Variants in CEP135 observed in about 807,000 individuals in gnomAD.
CEP135 encodes the protein centrosomal protein of 135 kDa.
In CEP135, 142 loss-of-function variants were observed where a neutral mutation model predicts 157.3. The observed-to-expected ratio is 0.90, with a 90% confidence interval of 0.79 to 1.04. The LOEUF (loss-of-function observed/expected upper bound fraction) is 1.04, where lower values mean the gene tolerates loss of function less well. CEP135 is among the 50% of genes least tolerant of loss of function. The pLI, the probability that CEP135 is intolerant of heterozygous loss-of-function variation, is 0.00. For missense variants in CEP135, 1,317 were observed against 1,309.2 expected (o/e 1.01, Z -0.09); for synonymous variants, 396 against 439.8 (o/e 0.90, Z 1.25).
chr4:55,973,619 T>C (rs921864614), intron 10 of CEP135, among the ~76,000 whole-genome samples: 15 of 152,216 alleles, frequency 9.9e-5, no homozygotes, highest in Non-Finnish European at 1.5e-4. Context: ...TCCATAGTTT[T>C]AATCTTTGTA....
At chr4:56,020,648 T>A (rs1375493209) in intron 23 of CEP135, 28 bp from the exon 24 acceptor site, 4 of 1,593,882 alleles carry the variant, frequency 2.5e-6, no homozygotes, top group Non-Finnish European at 3.4e-6. Context: ...GGAACGTTTA[T>A]TTCTTGATTT....
intron 9 of CEP135, among the ~76,000 whole-genome samples, chr4:55,969,765 G>T (rs1044177267): frequency 2.0e-5 from 3 of 152,128 alleles, no homozygotes; most frequent in Non-Finnish European, 4.4e-5. Context: ...TTTATGATTT[G>T]TTAGTTGACT....
Position 56,009,830 on chromosome 4 carries a change from G to T in CEP135, c.2432G>T (p.Arg811Ile). 1 of 1,614,116 alleles carries T rather than the reference G, an allele frequency of 6.2e-7. No individual in the cohort carries two copies. The highest frequency in any genetic ancestry group is 1.1e-5 in the South Asian group (1 of 91,046). Residue 811 changes from arginine to isoleucine, a missense_variant, in exon 19 of 26, where the codon AGA (arginine) becomes ATA (isoleucine). Transcript: ENST00000257287. ...AAHKELDEVG[R>I]SREIAFKENR... ...CACAAAGAACTCGATGAAGTAGGAA[G>T]ATCTAGAGAAATCGCTTTTAAGGAA...
chr4:55,980,108 T>G, intron 11 of CEP135, 35 bp from the exon 12 acceptor site: 1 of 1,537,638 alleles, frequency 6.5e-7, no homozygotes, highest in Non-Finnish European at 8.9e-7. Flanking sequence ...AACCATGTGG[T>G]GATGATTATA....
intron 24 of CEP135, among the ~76,000 whole-genome samples, chr4:56,022,436 G>A (rs574652099): frequency 6.6e-6 from 1 of 152,284 alleles, no homozygotes; most frequent in East Asian, 1.9e-4. Context: ...TAAGTTAGTA[G>A]AATGGTTTAT....
intron 9 of CEP135, among the ~76,000 whole-genome samples, chr4:55,970,766 T>G: frequency 6.6e-6 from 1 of 152,242 alleles, no homozygotes; most frequent in East Asian, 1.9e-4. Flanking sequence ...ATTTTTTAAG[T>G]ACTTACCGTG....
chr4:55,996,599 C>T (rs1350218047), intron 15 of CEP135, among the ~76,000 whole-genome samples: 1 of 152,104 alleles, frequency 6.6e-6, no homozygotes, highest in Non-Finnish European at 1.5e-5. Flanking sequence ...AATTTCTTTT[C>T]CCTCTCTGGC....
chr4:56,020,732 CAG>C lies in CEP135; in HGVS notation c.3274_3275del (p.Asp1092LeufsTer2). 1 of 1,613,692 alleles carries C rather than the reference CAG, an allele frequency of 6.2e-7. No homozygotes were observed. Among genetic ancestry groups the C allele is most frequent in the Non-Finnish European group, 8.5e-7 (1 of 1,179,770 alleles). Reference sequence around the variant, plus strand: ...CGAGCTAAAGTGGCACAGTTACAAACAGATTATGATGCTCTGAAAAGGCAGAT... The same window carrying C: ...CGAGCTAAAGTGGCACAGTTACAAACATTATGATGCTCTGAAAAGGCAGAT... On this transcript the variant is annotated frameshift_variant, in exon 24 of 26. Coordinates refer to ENST00000257287, the MANE Select transcript of CEP135 (RefSeq NM_025009.5). LOFTEE classifies it high-confidence loss of function.
chr4:55,969,983 C>T (rs566082034), intron 9 of CEP135, among the ~76,000 whole-genome samples: 47 of 152,056 alleles, frequency 3.1e-4, no homozygotes, highest in Non-Finnish European at 4.7e-4. Flanking sequence ...AAGTGATCCT[C>T]CCACCTCAGC....
At chr4:55,989,662 A>G (rs1476136967) in intron 14 of CEP135, among the ~76,000 whole-genome samples, 2 of 152,256 alleles carry the variant, frequency 1.3e-5, no homozygotes, top group Non-Finnish European at 2.9e-5. Context: ...GAAGATGTGA[A>G]TAAACTCTTT....
Position 55,964,368 on chromosome 4 carries a change from C to A in CEP135, c.794C>A (p.Thr265Asn), listed in dbSNP as rs140245520. The change falls in exon 7 of 26, where the codon ACC (threonine) becomes AAC (asparagine). Residue 265 changes from threonine to asparagine, a missense_variant. By Grantham distance (65) the Thr-to-Asn change is moderately conservative. Transcript: ENST00000257287. ...CTTTCTCTGGAGTCTAGAAATAAAA[C>A]CAATGAAAAGCTTATTGCTCATTTA... ...DVLSLESRNK[T>N]NEKLIAHLNI... 6.2e-7 allele frequency: 1 copy of A among 1,610,642 alleles called. No homozygotes were observed. Among genetic ancestry groups the A allele is most frequent in the African/African-American group, 1.3e-5 (1 of 74,814 alleles).
At chr4:55,991,531 T>C (rs1281819186) in intron 14 of CEP135, among the ~76,000 whole-genome samples, 3 of 152,180 alleles carry the variant, frequency 2.0e-5, no homozygotes, top group African/African-American at 7.2e-5. Context: ...AAAATTATAC[T>C]GTTTCTTCAC....
rs79498084 is a variant in CEP135 at position 56,028,073 on chromosome 4, C to G, written c.*12-3287C>G. Among the ~76,000 whole-genome samples, 1,320 of 152,238 alleles carry G rather than the reference C, an allele frequency of 8.7e-3. 22 individuals carry two copies. The highest frequency in any genetic ancestry group is 0.03 in the African/African-American group (1,267 of 41,558). On this transcript the variant is annotated intron_variant, in intron 25 of 25. Coordinates refer to ENST00000257287, the MANE Select transcript of CEP135 (RefSeq NM_025009.5). ...TTATTTCACTTAGAATAATATTTTC[C>G]AGGTTCATCCATATTGTAGGATATA...
intron 13 of CEP135, 144 bp from the exon 14 acceptor site, chr4:55,985,137 T>C (rs1729533934): frequency 4.3e-6 from 2 of 469,290 alleles, no homozygotes; most frequent in Admixed American, 7.0e-5. Flanking sequence ...GTAAAATGTC[T>C]AATGATTTTC....
intron 7 of CEP135, 76 bp downstream of exon 7, chr4:55,964,478 T>A (rs1728783121): frequency 1.7e-6 from 2 of 1,184,068 alleles, no homozygotes; most frequent in African/African-American, 3.1e-5. Flanking sequence ...TATAATGGTC[T>A]ATGGGTTTGT....
chr4:55,976,048 G>C (rs114426491), intron 11 of CEP135, among the ~76,000 whole-genome samples: 2,117 of 152,072 alleles, frequency 0.014, 26 homozygotes, highest in Non-Finnish European at 0.022. Context: ...CCAGGAGTTC[G>C]AGACCAGTCT....
chr4:56,030,796 G>T (rs1454219488), intron 25 of CEP135, among the ~76,000 whole-genome samples: 1 of 151,902 alleles, frequency 6.6e-6, no homozygotes, highest in African/African-American at 2.4e-5. Context: ...GACTCACTGA[G>T]GAAACATAAA....
chr4:56,007,350 C>T lies in CEP135; in HGVS notation c.2281-977C>T, dbSNP rs1198087195. Among the ~76,000 whole-genome samples, 7 of 152,334 alleles carry T rather than the reference C, an allele frequency of 4.6e-5. No individual in the cohort carries two copies. The East Asian group carries it at 1.4e-3, about 29-fold the overall frequency. On this transcript the variant is annotated intron_variant, in intron 17 of 25. Transcript: ENST00000257287. ...CTTGGCTTTAGTGAATGCTCAGACCCCTGCCCATCTGGGATGGGGGAGGTC... is the reference window on the plus strand; with the variant it reads ...CTTGGCTTTAGTGAATGCTCAGACCTCTGCCCATCTGGGATGGGGGAGGTC...
chr4:55,952,942 C>A, intron 2 of CEP135, 143 bp from the exon 3 acceptor site: 1 of 628,966 alleles, frequency 1.6e-6, no homozygotes, highest in Non-Finnish European at 2.5e-6. Flanking sequence ...CAGGACTACT[C>A]TCCTTCCTAT....
Sources: allele counts gnomAD v4.1 joint callset (sites outside exome capture counted in the v4.1 genomes callset), GRCh38; gene constraint gnomAD v4.1.1; transcripts MANE v1.5; gene names NCBI Gene and HGNC (gene_info 2026-07-23, HGNC 2026-07-21).